Variants in CADM2 observed in about 807,000 individuals in gnomAD.
The protein encoded by CADM2 is cell adhesion molecule 2.
Under a neutral mutation model 49.8 loss-of-function variants are expected in CADM2, and 12 were observed. The ratio of observed to expected loss-of-function variants is 0.24; its 90% CI spans 0.15 to 0.39. CADM2 has a LOEUF of 0.39. Ranked by LOEUF, CADM2 falls within the 10% of genes least tolerant of loss-of-function variation. The pLI, the probability that CADM2 is intolerant of heterozygous loss-of-function variation, is 1.00. For missense variants in CADM2, 378 were observed against 492.3 expected (o/e 0.77, Z 2.20); for synonymous variants, 214 against 175.4 (o/e 1.22, Z -1.74).
At chr3:85,847,008 G>T (rs1001137828) in intron 3 of CADM2, among the ~76,000 whole-genome samples, 6 of 152,160 alleles carry the variant, frequency 3.9e-5, no homozygotes, top group African/African-American at 1.4e-4. Context: ...GAATTTCACT[G>T]CCAAAGCACT....
At chr3:85,336,716 T>A (rs2045087314) in intron 1 of CADM2, among the ~76,000 whole-genome samples, 1 of 150,410 alleles carries the variant, frequency 6.6e-6, no homozygotes, top group South Asian at 2.1e-4. Context: ...ATATAAAATT[T>A]TTCATGTTTT....
intron 2 of CADM2, among the ~76,000 whole-genome samples, chr3:85,735,282 C>T (rs1334323251): frequency 6.6e-6 from 1 of 151,774 alleles, no homozygotes; most frequent in Non-Finnish European, 1.5e-5. Flanking sequence ...AAATTGATGG[C>T]GAGGAAGCAA....
intron 1 of CADM2, among the ~76,000 whole-genome samples, chr3:85,242,239 A>G (rs2042547946): frequency 6.6e-6 from 1 of 151,404 alleles, no homozygotes; most frequent in Non-Finnish European, 1.5e-5. Flanking sequence ...CTTATTTTAT[A>G]TTTTAATAGT....
At chr3:84,987,433 C>T (rs2032639373) in intron 1 of CADM2, among the ~76,000 whole-genome samples, 1 of 152,132 alleles carries the variant, frequency 6.6e-6, no homozygotes, top group Non-Finnish European at 1.5e-5. Context: ...CTCCAATTCT[C>T]TTCCAAAAAT....
chr3:85,129,682 T>G (rs2039161269), intron 1 of CADM2, among the ~76,000 whole-genome samples: 1 of 152,214 alleles, frequency 6.6e-6, no homozygotes, highest in Non-Finnish European at 1.5e-5. Flanking sequence ...CCAGATCAAT[T>G]AATAATTCCC....
At chr3:86,042,830 A>G (rs6792784) in intron 8 of CADM2, among the ~76,000 whole-genome samples, 5,196 of 152,302 alleles carry the variant, frequency 0.034, 171 homozygotes, top group African/African-American at 0.083. Context: ...AAAATCCTCA[A>G]TAAAATACTG....
At chr3:85,551,138 C>T (rs982520200) in intron 1 of CADM2, among the ~76,000 whole-genome samples, 1 of 151,822 alleles carries the variant, frequency 6.6e-6, no homozygotes, top group African/African-American at 2.4e-5. Flanking sequence ...TGTGCACCAC[C>T]ATGCTCAGTT....
chr3:85,686,333 C>T (rs886533700), intron 1 of CADM2, among the ~76,000 whole-genome samples: 1 of 152,122 alleles, frequency 6.6e-6, no homozygotes, highest in Non-Finnish European at 1.5e-5. Context: ...TTTGGCCTCT[C>T]AGTTGCCTTC....
chr3:85,914,490 A>G (rs1220421956), intron 6 of CADM2, among the ~76,000 whole-genome samples: 1 of 152,214 alleles, frequency 6.6e-6, no homozygotes, highest in Non-Finnish European at 1.5e-5. Context: ...TTAAAGGACC[A>G]GGATCAACAG....
At chr3:85,938,826 G>C (rs73843519) in intron 7 of CADM2, among the ~76,000 whole-genome samples, 9,953 of 151,756 alleles carry the variant, frequency 0.066, 877 homozygotes, top group African/African-American at 0.2. Flanking sequence ...TCATTTATCT[G>C]ATCCACTTCT....
intron 1 of CADM2, among the ~76,000 whole-genome samples, chr3:85,417,153 A>G (rs992542527): frequency 7.2e-5 from 11 of 152,228 alleles, no homozygotes; most frequent in African/African-American, 2.6e-4. Context: ...TTGGGTTTTA[A>G]ATTTTTAAGT....
chr3:85,999,222 G>A (rs1729812654), intron 8 of CADM2, among the ~76,000 whole-genome samples: 2 of 151,490 alleles, frequency 1.3e-5, no homozygotes, highest in African/African-American at 2.4e-5. Context: ...AATTTTGCCA[G>A]GCGTGGTGGC....
Position 85,980,625 on chromosome 3 carries a change from G to A in CADM2, c.970+18978G>A, listed in dbSNP as rs372813539. ...AAAATTATATAAAAATGGGAAAAGA[G>A]ACATAATGAAAATGAAGAAAAAGTT... On this transcript the variant is annotated intron_variant, in intron 8 of 9. Coordinates refer to ENST00000383699, the MANE Select transcript of CADM2 (RefSeq NM_001167675.2). 4.0e-4 allele frequency among the ~76,000 whole-genome samples: 61 copies of A among 151,444 alleles called. No individual in the cohort carries two copies. The South Asian group carries it at 7.5e-3, about 19-fold the overall frequency.
intron 8 of CADM2, among the ~76,000 whole-genome samples, chr3:86,039,542 G>A (rs1290603385): frequency 3.3e-5 from 5 of 152,150 alleles, no homozygotes; most frequent in African/African-American, 1.2e-4. Flanking sequence ...GGGGAGGGGT[G>A]CCCACCATTG....
intron 1 of CADM2, among the ~76,000 whole-genome samples, chr3:85,244,381 A>G (rs1293615602): frequency 2.6e-5 from 4 of 152,158 alleles, no homozygotes; most frequent in African/African-American, 9.6e-5. Context: ...CGCAGACTCA[A>G]CTTGTTTAAA....
At chr3:85,983,529 A>G (rs1727716437) in intron 8 of CADM2, among the ~76,000 whole-genome samples, 1 of 151,730 alleles carries the variant, frequency 6.6e-6, no homozygotes. Flanking sequence ...AAGTTATGAA[A>G]ACATAAGCAA....
intron 1 of CADM2, among the ~76,000 whole-genome samples, chr3:85,172,986 A>G (rs1223935352): frequency 2.0e-5 from 3 of 147,294 alleles, no homozygotes; most frequent in African/African-American, 7.4e-5. Context: ...AATTTCTGAA[A>G]TATCTAATAC....
At chr3:85,328,902 A>AAG (rs1283795259) in intron 1 of CADM2, among the ~76,000 whole-genome samples, 4 of 141,330 alleles carry the variant, frequency 2.8e-5, no homozygotes, top group African/African-American at 1.0e-4. Context: ...TCTTCCCTCA[A>AAG]AAAAAAAAAA....
At chr3:85,022,480 TGTTA>T (rs1361846060) in intron 1 of CADM2, among the ~76,000 whole-genome samples, 2 of 152,150 alleles carry the variant, frequency 1.3e-5, no homozygotes, top group Non-Finnish European at 2.9e-5. Flanking sequence ...GTTTCAGGAT[TGTTA>T]GTTAGTTAGT....
Sources: allele counts gnomAD v4.1 joint callset (sites outside exome capture counted in the v4.1 genomes callset), GRCh38; gene constraint gnomAD v4.1.1; transcripts MANE v1.5; gene names NCBI Gene and HGNC (gene_info 2026-07-23, HGNC 2026-07-21).